Variants in MROH9 observed in about 807,000 individuals in gnomAD.
MROH9 encodes the protein maestro heat-like repeat-containing protein family member 9.
Under a neutral mutation model 98.2 loss-of-function variants are expected in MROH9, and 92 were observed. The observed-to-expected ratio is 0.94, with a 90% CI of 0.79 to 1.11. The LOEUF (loss-of-function observed/expected upper bound fraction) is 1.11, where lower values mean the gene tolerates loss of function less well. MROH9 is among the 50% of genes most tolerant of loss of function. The probability of loss-of-function intolerance (pLI) is 0.00; values close to 1 mark genes in which losing one functional copy is unlikely to be tolerated. For missense variants in MROH9, 1,057 were observed against 1,014.8 expected (o/e 1.04, Z -0.57); for synonymous variants, 397 against 368.9 (o/e 1.08, Z -0.87).
chr1:171,051,350 A>G (rs72712612), intron 20 of MROH9, among the ~76,000 whole-genome samples: 13,548 of 152,152 alleles, frequency 0.089, 752 homozygotes, highest in Middle Eastern at 0.22. Context: ...AACATCCATC[A>G]ATACTAGATT....
chr1:170,941,956 T>C (rs188903726), intron 1 of MROH9, among the ~76,000 whole-genome samples: 1 of 152,324 alleles, frequency 6.6e-6, no homozygotes, highest in African/African-American at 2.4e-5. Context: ...TTTTGGTCCA[T>C]GTTTTAGCCA....
rs78055767 is a variant in MROH9 at position 170,969,953 on chromosome 1, C to T, written c.481-1795C>T. 5.8e-3 allele frequency among the ~76,000 whole-genome samples: 879 copies of T among 152,232 alleles called. 9 individuals carry two copies. Among genetic ancestry groups the T allele is most frequent in the Non-Finnish European group, 9.6e-3 (653 of 68,014 alleles). ...GATATACATCAGTGTGCTCCACGAT[C>T]CACGCTGCCTTACTCCTCTCTCAGC... On this transcript the variant is annotated intron_variant, in intron 7 of 21. Coordinates refer to ENST00000367759, the MANE Select transcript of MROH9 (RefSeq NM_001163629.2).
chr1:170,995,336 C>A, intron 12 of MROH9, 53 bp from the exon 13 acceptor site: 2 of 1,601,602 alleles, frequency 1.2e-6, no homozygotes, highest in South Asian at 2.2e-5. Flanking sequence ...TAAGGTTGAC[C>A]GGGTTTAGAG....
rs183628816 is a variant in MROH9, at chr1:170,947,516, T to C, written c.26-11T>C. On this transcript the variant is annotated splice_polypyrimidine_tract_variant and intron_variant, in intron 2 of 21. Coordinates refer to ENST00000367759, the MANE Select transcript of MROH9 (RefSeq NM_001163629.2). ...CATTCCTTTTTAACGAATCTCCTTC[T>C]TTCTGGCTAGAGAGTAGTCTCCAGA... 22 of 1,609,564 alleles carry C rather than the reference T, an allele frequency of 1.4e-5. No homozygotes were observed. In the East Asian group the frequency reaches 3.1e-4, roughly 23 times the overall value.
chr1:170,995,334 A>G, intron 12 of MROH9, 55 bp from the exon 13 acceptor site: 1 of 1,601,416 alleles, frequency 6.2e-7, no homozygotes, highest in Non-Finnish European at 8.5e-7. Context: ...AGTAAGGTTG[A>G]CCGGGTTTAG....
Position 170,986,626 on chromosome 1 carries a change from C to G in MROH9, c.795C>G (p.Leu265=), listed in dbSNP as rs369052725. ...TTGTGCAGAGTCTCCTGATGAAACT[C>G]TCTTCACCTGATGATAAAATCGCAT... ...TDFVQSLLMK[L]SSPDDKIASD... The change falls in exon 10 of 22, where the codon CTC becomes CTG. Residue 265 remains leucine, a synonymous_variant. Coordinates refer to ENST00000367759, the MANE Select transcript of MROH9 (RefSeq NM_001163629.2). The G allele has an allele frequency of 1.9e-6, 3 of 1,613,898 alleles. No individual in the cohort carries two copies. Among genetic ancestry groups the G allele is most frequent in the Non-Finnish European group, 2.5e-6 (3 of 1,179,924 alleles).
intron 13 of MROH9, 55 bp downstream of exon 13, chr1:170,995,586 A>T: frequency 6.3e-7 from 1 of 1,592,610 alleles, no homozygotes; most frequent in Non-Finnish European, 8.6e-7. Flanking sequence ...CCAGCTGTCA[A>T]TACTTCTACC....
chr1:170,992,547 T>C (rs543590482), intron 12 of MROH9, among the ~76,000 whole-genome samples: 15 of 152,312 alleles, frequency 9.8e-5, no homozygotes, highest in African/African-American at 3.6e-4. Flanking sequence ...ATAAATGTGT[T>C]GTAAGTCAGA....
chr1:170,946,171 A>C (rs553250936), intron 2 of MROH9, among the ~76,000 whole-genome samples: 42 of 152,192 alleles, frequency 2.8e-4, no homozygotes, highest in African/African-American at 9.1e-4. Context: ...GAAAAGAAAA[A>C]TAGTAGGACT....
chr1:170,994,325 G>A (rs964826406), intron 12 of MROH9, among the ~76,000 whole-genome samples: 5 of 152,138 alleles, frequency 3.3e-5, no homozygotes, highest in East Asian at 1.9e-4. Context: ...TGTTACCCAC[G>A]TGACTGCTGT....
rs185322622 is a variant in MROH9 at position 170,992,049 on chromosome 1, T to G, written c.1029-115T>G. On this transcript the variant is annotated intron_variant, in intron 11 of 21. Coordinates refer to ENST00000367759, the MANE Select transcript of MROH9 (RefSeq NM_001163629.2). ...CAGTTTGCTTTGGACATGTCTGCAGTGTCTTTGCTATATAAAAATGTAAAA... is the reference window on the plus strand; with the variant it reads ...CAGTTTGCTTTGGACATGTCTGCAGGGTCTTTGCTATATAAAAATGTAAAA... The G allele has an allele frequency of 5.2e-4, 562 of 1,071,870 alleles. 1 individual carries two copies. In the African/African-American group the frequency reaches 8.2e-3, roughly 16 times the overall value. The allele number at this position is 1,071,870 out of a possible 1,614,324, so 66.4% of individuals were successfully genotyped here.
At chr1:170,945,668 A>G in intron 2 of MROH9, 87 bp downstream of exon 2, 2 of 1,155,494 alleles carry the variant, frequency 1.7e-6, no homozygotes, top group East Asian at 2.5e-5. Flanking sequence ...AGAGAAACCT[A>G]TACATCATTC....
At chr1:170,959,009 C>G (rs1278835793) in intron 4 of MROH9, among the ~76,000 whole-genome samples, 1 of 152,068 alleles carries the variant, frequency 6.6e-6, no homozygotes, top group Non-Finnish European at 1.5e-5. Flanking sequence ...ACATTATTAT[C>G]ATTTTTAAGA....
rs535267254 is a variant in MROH9 at position 170,980,287 on chromosome 1, C to A, written c.617-3135C>A. Among the ~76,000 whole-genome samples the A allele has an allele frequency of 4.9e-4, 75 of 152,232 alleles. No homozygotes were observed. In the Middle Eastern group the frequency reaches 0.01, roughly 21 times the overall value. ...AAAGACCCCGTAGAGCCAAGACAGT[C>A]CTAAGCAAAAAGAACAAAGTTGAAG... On this transcript the variant is annotated intron_variant, in intron 8 of 21. Transcript: ENST00000367759.
Position 171,007,685 on chromosome 1 carries a change from T to G in MROH9, c.1597-6432T>G, listed in dbSNP as rs572154524. Among the ~76,000 whole-genome samples the G allele has an allele frequency of 3.7e-4, 56 of 152,282 alleles. No homozygotes were observed. The South Asian group carries it at 7.7e-3, about 21-fold the overall frequency. The stretch of plus-strand genomic sequence containing the variant: ...CACATATAGGCTTCTTTTGGCAGCT[T>G]CCTTGGCAGGCAGGAAGGCTCTCAG... On this transcript the variant is annotated intron_variant, in intron 15 of 21. Transcript: ENST00000367759.
intron 8 of MROH9, among the ~76,000 whole-genome samples, chr1:170,974,472 T>C (rs1571465993): frequency 6.6e-6 from 1 of 151,878 alleles, no homozygotes; most frequent in African/African-American, 2.4e-5. Flanking sequence ...AGCAGATTTC[T>C]CACCAGAAAT....
intron 8 of MROH9, among the ~76,000 whole-genome samples, chr1:170,981,603 T>C (rs1387442887): frequency 6.6e-6 from 1 of 151,876 alleles, no homozygotes; most frequent in African/African-American, 2.4e-5. Flanking sequence ...CACCAGGGCT[T>C]GTTGGAGGTG....
At chr1:171,058,717 C>G (rs1415782865) in intron 20 of MROH9, among the ~76,000 whole-genome samples, 1 of 152,188 alleles carries the variant, frequency 6.6e-6, no homozygotes, top group African/African-American at 2.4e-5. Context: ...TGACCTTCGA[C>G]AAACCTGACG....
At chr1:170,958,718 C>A (rs531920731) in intron 4 of MROH9, among the ~76,000 whole-genome samples, 178 bp downstream of exon 4, 1 of 152,312 alleles carries the variant, frequency 6.6e-6, no homozygotes, top group African/African-American at 2.4e-5. Context: ...CGTAGACAAG[C>A]AGATAATCTT....
Sources: allele counts gnomAD v4.1 joint callset (sites outside exome capture counted in the v4.1 genomes callset), GRCh38; gene constraint gnomAD v4.1.1; transcripts MANE v1.5; gene names NCBI Gene and HGNC (gene_info 2026-07-23, HGNC 2026-07-21).